Variants in EYS observed in about 807,000 individuals in gnomAD.
EYS encodes the protein EGF-like photoreceptor maintenance factor, also known as protein eyes shut homolog.
EYS carries 250 observed loss-of-function variants against 282.1 expected under a neutral mutation model. The ratio of observed to expected loss-of-function variants is 0.89; its 90% CI spans 0.80 to 0.98. EYS has a LOEUF of 0.98. Ranked by LOEUF, EYS falls within the 50% of genes least tolerant of loss-of-function variation. EYS has a pLI of 0.00. For missense variants in EYS, 4,016 were observed against 3,709.0 expected, an observed-to-expected ratio of 1.08 and a Z score of -2.15; for synonymous variants, 1,355 against 1,282.9, an observed-to-expected ratio of 1.06 and a Z score of -1.20.
chr6:64,198,025 C>G (rs1333797009), intron 31 of EYS, among the ~76,000 whole-genome samples: 1 of 151,792 alleles, frequency 6.6e-6, no homozygotes, highest in Non-Finnish European at 1.5e-5. Flanking sequence ...CGGAGTCTCG[C>G]TCTGTTGCCC....
chr6:64,779,287 A>G (rs1349117883), intron 22 of EYS, among the ~76,000 whole-genome samples: 2 of 152,154 alleles, frequency 1.3e-5, no homozygotes, highest in Admixed American at 6.6e-5. Flanking sequence ...AAGTATATCT[A>G]TACAATAGAA....
chr6:65,609,847 G>A (rs1356330226), intron 2 of EYS, among the ~76,000 whole-genome samples: 1 of 151,940 alleles, frequency 6.6e-6, no homozygotes, highest in South Asian at 2.1e-4. Flanking sequence ...AAAATATATA[G>A]GCCACATATC....
At chr6:64,236,289 G>T (rs1766604047) in intron 30 of EYS, among the ~76,000 whole-genome samples, 1 of 152,106 alleles carries the variant, frequency 6.6e-6, no homozygotes, top group Admixed American at 6.6e-5. Context: ...TTCATTTTTA[G>T]TACTGATATG....
At chr6:65,002,410 C>G (rs1771494854) in intron 13 of EYS, among the ~76,000 whole-genome samples, 1 of 147,422 alleles carries the variant, frequency 6.8e-6, no homozygotes, top group Non-Finnish European at 1.5e-5. Context: ...TTTTGCTCAG[C>G]TGGCACAATG....
chr6:65,672,677 C>T (rs1227240072), intron 1 of EYS, among the ~76,000 whole-genome samples: 1 of 152,032 alleles, frequency 6.6e-6, no homozygotes, highest in Non-Finnish European at 1.5e-5. Flanking sequence ...AATTACTCAA[C>T]AAAAAATTCA....
chr6:63,945,828 G>T (rs987111282), intron 35 of EYS, among the ~76,000 whole-genome samples: 1 of 152,100 alleles, frequency 6.6e-6, no homozygotes, highest in Non-Finnish European at 1.5e-5. Context: ...ATCAAATAAG[G>T]TGAACTGGTT....
At chr6:64,277,696 T>C (rs1295546298) in intron 30 of EYS, among the ~76,000 whole-genome samples, 1 of 152,114 alleles carries the variant, frequency 6.6e-6, no homozygotes, top group East Asian at 1.9e-4. Flanking sequence ...AAGTATCAAA[T>C]ATATCTCAAG....
intron 30 of EYS, among the ~76,000 whole-genome samples, chr6:64,253,498 T>A (rs1239369314): frequency 6.6e-6 from 1 of 152,190 alleles, no homozygotes; most frequent in African/African-American, 2.4e-5. Flanking sequence ...CTACTATAGT[T>A]ATCGTCGTGG....
intron 41 of EYS, among the ~76,000 whole-genome samples, chr6:63,733,947 A>G (rs1030346282): frequency 2.0e-5 from 3 of 152,146 alleles, no homozygotes; most frequent in Admixed American, 2.0e-4. Context: ...ATATTTGAAA[A>G]GATAGCCAAG....
At chr6:64,467,963 T>C (rs1775980698) in intron 26 of EYS, among the ~76,000 whole-genome samples, 1 of 152,128 alleles carries the variant, frequency 6.6e-6, no homozygotes, top group Non-Finnish European at 1.5e-5. Context: ...CATCTGCTAC[T>C]ACCACCATTA....
chr6:64,818,135 G>A (rs1394521485), intron 21 of EYS, among the ~76,000 whole-genome samples: 7 of 152,104 alleles, frequency 4.6e-5, no homozygotes, highest in Admixed American at 3.3e-4. Context: ...CATGGTGCAT[G>A]AGAAAGATAC....
chr6:64,276,520 G>A (rs879385627), intron 30 of EYS, among the ~76,000 whole-genome samples: 118 of 152,032 alleles, frequency 7.8e-4, no homozygotes, highest in Non-Finnish European at 9.1e-4. Context: ...AACTTAAATT[G>A]GAGTCATGAG....
chr6:65,088,824 C>T (rs1774463090), intron 12 of EYS, among the ~76,000 whole-genome samples: 1 of 152,114 alleles, frequency 6.6e-6, no homozygotes, highest in Non-Finnish European at 1.5e-5. Flanking sequence ...ATGGGCCAGG[C>T]CCAGAGTCCC....
rs146676910 is a variant in EYS at position 65,443,383 on chromosome 6, CAT to C, written c.863-38018_863-38017del. ...GCATACATGTATGTACACATATAGA[CAT>C]ATATGCATACATGTATGTACACATA... On this transcript the variant is annotated intron_variant, in intron 5 of 42. Transcript: ENST00000503581. 1.6e-3 allele frequency among the ~76,000 whole-genome samples: 161 copies of C among 101,434 alleles called. 30 individuals are homozygous for C. The highest frequency in any genetic ancestry group is 7.8e-3 in the Admixed American group (63 of 8,114). 66.5% of individuals were successfully genotyped at this position (101,434 alleles called of 152,430 possible).
At chr6:64,768,902 G>A (rs1387206574) in intron 22 of EYS, among the ~76,000 whole-genome samples, 7 of 152,036 alleles carry the variant, frequency 4.6e-5, no homozygotes, top group Admixed American at 4.6e-4. Context: ...GCCATGACAA[G>A]GAAGAGCCTA....
At chr6:64,778,447 T>C (rs1052451853) in intron 22 of EYS, among the ~76,000 whole-genome samples, 1 of 152,212 alleles carries the variant, frequency 6.6e-6, no homozygotes, top group Non-Finnish European at 1.5e-5. Flanking sequence ...GAAGACAATC[T>C]GCCCTTGGGC....
At chr6:64,952,832 CTAAAGTA>C (rs1769559891) in intron 14 of EYS, among the ~76,000 whole-genome samples, 1 of 151,806 alleles carries the variant, frequency 6.6e-6, no homozygotes, top group Non-Finnish European at 1.5e-5. Flanking sequence ...TCTCTAGTTT[CTAAAGTA>C]TAAATTCCAA....
intron 2 of EYS, among the ~76,000 whole-genome samples, chr6:65,591,350 C>CTG (rs147315659): frequency 1.9e-4 from 28 of 150,682 alleles, no homozygotes; most frequent in East Asian, 3.9e-4. Flanking sequence ...TATACTTAAT[C>CTG]TGTGTGTGTG....
At chr6:65,434,505 A>G (rs1327426969) in intron 5 of EYS, among the ~76,000 whole-genome samples, 1 of 152,038 alleles carries the variant, frequency 6.6e-6, no homozygotes. Context: ...TATTTTTAGC[A>G]GAGACGGGGT....
Sources: allele counts gnomAD v4.1 joint callset (sites outside exome capture counted in the v4.1 genomes callset), GRCh38; gene constraint gnomAD v4.1.1; transcripts MANE v1.5; gene names NCBI Gene and HGNC (gene_info 2026-07-23, HGNC 2026-07-21).